The following LSP1 variants were observed in gnomAD, a reference collection of about 807,000 sequenced individuals.
LSP1 encodes the protein lymphocyte specific protein 1.
In LSP1, 32 loss-of-function variants were observed where a neutral mutation model predicts 49.3. The ratio of observed to expected loss-of-function variants is 0.65; its 90% confidence interval spans 0.49 to 0.87. The LOEUF (loss-of-function observed/expected upper bound fraction) is 0.87, where lower values mean the gene tolerates loss of function less well. Among genes scored for constraint, LSP1 ranks in the 40% least tolerant of loss-of-function variants. LSP1 has a pLI of 0.00. For missense variants in LSP1, 428 were observed against 442.6 expected (o/e 0.97, Z 0.30); for synonymous variants, 179 against 178.8 (o/e 1.00, Z -0.01).
At chr11:1,870,702 C>T (rs147575646) in intron 1 of LSP1, 1,419 of 1,018,742 alleles carry the variant, frequency 1.4e-3, no homozygotes, top group Non-Finnish European at 1.6e-3. Context: ...CCTCTGGTTG[C>T]GTGGAGGATG....
At chr11:1,857,777 C>T (rs1847525847) in intron 1 of LSP1, among the ~76,000 whole-genome samples, 2 of 152,170 alleles carry the variant, frequency 1.3e-5, no homozygotes, top group Admixed American at 1.3e-4. Flanking sequence ...TTATTTGAGA[C>T]AGAGTCTCGC....
Position 1,880,119 on chromosome 11 carries a change from A to G in LSP1, c.86A>G (p.Glu29Gly). ...PTAQWSVEDE[E>G]EAVHEQCQHE... is the part of the protein sequence containing the mutation. ...GCTCAGTGGAGCGTGGAGGACGAGG[A>G]GGAGGCCGTCCACGAGCAATGCCAG... Residue 29 changes from glutamate (E) to glycine (G), a missense_variant, in exon 2 of 11, where the codon GAG becomes GGG. Coordinates refer to ENST00000311604, the MANE Select transcript of LSP1 (RefSeq NM_002339.3). 1 of 1,609,478 alleles carries G rather than the reference A, an allele frequency of 6.2e-7. No individual in the cohort carries two copies. Among genetic ancestry groups the G allele is most frequent in the Non-Finnish European group, 8.5e-7 (1 of 1,177,496 alleles).
intron 2 of LSP1, chr11:1,881,206 A>T (rs138673300): frequency 2.0e-6 from 1 of 509,374 alleles, no homozygotes; most frequent in African/African-American, 2.0e-5. Context: ...TCCTGGACTG[A>T]TGGAGGAAGC....
At chr11:1,864,134 A>G in intron 1 of LSP1, 1 of 973,526 alleles carries the variant, frequency 1.0e-6, no homozygotes. Context: ...GGACAGAGAC[A>G]CCAGAGGGAA....
chr11:1,865,624 C>T (rs1847765431), intron 1 of LSP1, among the ~76,000 whole-genome samples: 1 of 145,332 alleles, frequency 6.9e-6, no homozygotes, highest in Non-Finnish European at 1.5e-5. Flanking sequence ...TCACACCATC[C>T]CACCTGCACC....
At chr11:1,868,692 G>T (rs999293794) in intron 1 of LSP1, 3 of 985,800 alleles carry the variant, frequency 3.0e-6, no homozygotes, top group Non-Finnish European at 3.6e-6. Context: ...GTCGGTCTTC[G>T]GACAGAGCCC....
intron 1 of LSP1, among the ~76,000 whole-genome samples, chr11:1,858,047 C>G (rs763577031): frequency 6.6e-6 from 1 of 152,200 alleles, no homozygotes; most frequent in Non-Finnish European, 1.5e-5. Flanking sequence ...TGAACCACCG[C>G]GCCCTGCCTT....
intron 1 of LSP1, among the ~76,000 whole-genome samples, chr11:1,874,107 A>T (rs1159841796): frequency 1.1e-3 from 24 of 22,576 alleles, no homozygotes; most frequent in African/African-American, 1.6e-3. Flanking sequence ...AGGCCGGCAG[A>T]GGAGGGAGGC....
At chr11:1,879,425 C>T (rs184337995) in intron 1 of LSP1, among the ~76,000 whole-genome samples, 6 of 152,286 alleles carry the variant, frequency 3.9e-5, no homozygotes, top group South Asian at 2.1e-4. Context: ...TTGGGTGAGC[C>T]GACCCTGTAA....
chr11:1,868,443 G>A (rs886463245), intron 1 of LSP1, among the ~76,000 whole-genome samples: 2 of 152,214 alleles, frequency 1.3e-5, no homozygotes, highest in Admixed American at 6.5e-5. Context: ...TTGGCTCTCC[G>A]CAGGGCTCTA....
chr11:1,873,234 A>T (rs567074177), intron 1 of LSP1, among the ~76,000 whole-genome samples: 2 of 151,800 alleles, frequency 1.3e-5, no homozygotes, highest in Admixed American at 1.3e-4. Context: ...CTCCCTGGGG[A>T]CCGCTAGGCA....
intron 1 of LSP1, chr11:1,870,245 TACCC>T: frequency 7.7e-7 from 1 of 1,298,788 alleles, no homozygotes; most frequent in African/African-American, 1.5e-5. Context: ...TGGTCCTTCA[TACCC>T]CATTTTGCAA....
At chr11:1,870,120 G>A in intron 1 of LSP1, 3 of 507,580 alleles carry the variant, frequency 5.9e-6, no homozygotes, top group South Asian at 4.6e-5. Flanking sequence ...TGCTCACTGT[G>A]CCTCTTTAAA....
At chr11:1,890,557 G>C in intron 10 of LSP1, 1 of 712,274 alleles carries the variant, frequency 1.4e-6, no homozygotes, top group Non-Finnish European at 2.6e-6. Flanking sequence ...CACACCTCGG[G>C]TGCCATCGAC....
At position 1,874,744 on chromosome 11, in the gene LSP1, G is replaced by C. The variant is rs577364445; in HGVS notation, c.54-5343G>C. Among the ~76,000 whole-genome samples, 7 of 152,304 alleles carry C rather than the reference G, an allele frequency of 4.6e-5. No individual in the cohort carries two copies. In the East Asian group the frequency reaches 1.4e-3, roughly 29 times the overall value. ...GTGAGAACCGGCAGGGGAGGCTGCA[G>C]ACGGAGGAGTGGAGGCTCCTTGGCT... On this transcript the variant is annotated intron_variant, in intron 1 of 10. Transcript: ENST00000311604.
intron 1 of LSP1, among the ~76,000 whole-genome samples, chr11:1,864,522 C>T (rs893633461): frequency 7.2e-5 from 11 of 151,930 alleles, no homozygotes; most frequent in East Asian, 1.9e-4. Flanking sequence ...TGCCCATCAG[C>T]GCGCCACAGA....
chr11:1,885,682 C>A (rs1369952677), intron 7 of LSP1, among the ~76,000 whole-genome samples: 11 of 151,916 alleles, frequency 7.2e-5, no homozygotes, highest in Non-Finnish European at 1.3e-4. Context: ...AACCAACACT[C>A]TACTAAATCA....
chr11:1,877,185 A>C (rs1848347626), intron 1 of LSP1, among the ~76,000 whole-genome samples: 5 of 151,824 alleles, frequency 3.3e-5, no homozygotes, highest in Admixed American at 3.3e-4. Context: ...CCCCCACCCC[A>C]CCCCAGGAGA....
Position 1,884,130 on chromosome 11 carries a change from T to G in LSP1, c.591+106T>G. On this transcript the variant is annotated intron_variant, in intron 5 of 10. Transcript: ENST00000311604. The surrounding 1 kb of genome is among the most constrained non-coding windows in gnomAD (Gnocchi z 4.1). ...AGGAAGACCAGGCCCAGGCCTGGCTTTTGTCTGCTATCCCCCCATTGCCCG... is the reference window on the plus strand; with the variant it reads ...AGGAAGACCAGGCCCAGGCCTGGCTGTTGTCTGCTATCCCCCCATTGCCCG... 1 of 1,436,270 alleles carries G rather than the reference T, an allele frequency of 7.0e-7. No individual in the cohort carries two copies. Among genetic ancestry groups the G allele is most frequent in the Non-Finnish European group, 9.7e-7 (1 of 1,027,584 alleles). The allele number at this position is 1,436,270 out of a possible 1,614,324, so 89.0% of individuals were successfully genotyped here.
Sources: allele counts gnomAD v4.1 joint callset (sites outside exome capture counted in the v4.1 genomes callset), GRCh38; gene constraint gnomAD v4.1.1; non-coding constraint Gnocchi (gnomAD v3.1); transcripts MANE v1.5; gene names NCBI Gene and HGNC (gene_info 2026-07-23, HGNC 2026-07-21).